CYRIB: variants seen among roughly 807,000 people sequenced by gnomAD.
CYRIB encodes CYFIP related Rac1 interactor B, also known as CYFIP-related Rac1 interactor B.
Under a neutral mutation model 44.2 loss-of-function variants are expected in CYRIB, and 8 were observed. The observed-to-expected ratio is 0.18, with a 90% CI of 0.11 to 0.33. The LOEUF is 0.33. Ranked by LOEUF, CYRIB falls within the 10% of genes least tolerant of loss-of-function variation. The pLI, the probability that CYRIB is intolerant of heterozygous loss-of-function variation, is 1.00. For missense variants in CYRIB, 185 were observed against 382.8 expected (o/e 0.48, Z 4.31); for synonymous variants, 131 against 127.2 (o/e 1.03, Z -0.20).
At chr8:129,981,188 G>A (rs2096226462) in intron 1 of CYRIB, among the ~76,000 whole-genome samples, 2 of 151,992 alleles carry the variant, frequency 1.3e-5, no homozygotes, top group South Asian at 4.1e-4. Context: ...CGCTCAGGCT[G>A]GAGTGCAGTG....
intron 9 of CYRIB, chr8:129,850,143 A>G (rs2042485719): frequency 6.6e-6 from 1 of 152,236 alleles, no homozygotes; most frequent in African/African-American, 2.4e-5. Flanking sequence ...CTCCTATTTC[A>G]TAAGGTTTTC....
intron 2 of CYRIB, among the ~76,000 whole-genome samples, chr8:129,954,144 C>CTCTGGTAACATTA (rs1204743244): frequency 1.3e-5 from 2 of 152,160 alleles, no homozygotes; most frequent in African/African-American, 4.8e-5. Flanking sequence ...TGTTACCTTG[C>CTCTGGTAACATTA]CCAAGCTCTG....
intron 1 of CYRIB, among the ~76,000 whole-genome samples, chr8:129,972,749 C>T (rs557241549): frequency 1.8e-4 from 27 of 152,038 alleles, no homozygotes; most frequent in African/African-American, 5.5e-4. Context: ...ACATACCCCA[C>T]GCACATGCAC....
intron 11 of CYRIB, among the ~76,000 whole-genome samples, chr8:129,843,406 G>T (rs2037717473): frequency 6.6e-6 from 1 of 152,128 alleles, no homozygotes; most frequent in Non-Finnish European, 1.5e-5. Context: ...AAATAAGGGG[G>T]CTGTTACTGA....
upstream of CYRIB, among the ~76,000 whole-genome samples, chr8:129,940,257 G>T (rs1387654951): frequency 6.6e-6 from 1 of 152,142 alleles, no homozygotes; most frequent in Non-Finnish European, 1.5e-5. Flanking sequence ...TTCCCCCCAC[G>T]CCTGGAACCG....
intron 11 of CYRIB, among the ~76,000 whole-genome samples, 163 bp downstream of exon 13, chr8:129,846,641 G>A (rs900079787): frequency 1.3e-5 from 2 of 152,220 alleles, no homozygotes; most frequent in Non-Finnish European, 2.9e-5. Flanking sequence ...CGTAACCAGT[G>A]TTTGGAAGCA....
intron 2 of CYRIB, among the ~76,000 whole-genome samples, chr8:129,957,781 T>C (rs28703802): frequency 0.079 from 12,020 of 151,780 alleles, 546 homozygotes; most frequent in South Asian, 0.21. Context: ...CTGGCTAACA[T>C]GGTGAAACCC....
intron 1 of CYRIB, among the ~76,000 whole-genome samples, chr8:129,916,136 T>C (rs2080648241): frequency 6.6e-6 from 1 of 152,202 alleles, no homozygotes; most frequent in Non-Finnish European, 1.5e-5. Flanking sequence ...AAATCTTCTA[T>C]TCTACTTTCT....
chr8:129,918,958 TA>T (rs1440047480), intron 1 of CYRIB, among the ~76,000 whole-genome samples: 1 of 152,234 alleles, frequency 6.6e-6, no homozygotes, highest in African/African-American at 2.4e-5. Context: ...TATTAAAAAT[TA>T]AATAAAGAGA....
intron 1 of CYRIB, among the ~76,000 whole-genome samples, chr8:129,983,233 C>T (rs187230422): frequency 7.1e-4 from 108 of 152,234 alleles, no homozygotes; most frequent in African/African-American, 2.6e-3. Context: ...ATCACGAGGT[C>T]AGGAGATCGA....
At chr8:129,859,659 T>A (rs982779752) in intron 5 of CYRIB, among the ~76,000 whole-genome samples, 8 of 152,322 alleles carry the variant, frequency 5.3e-5, no homozygotes, top group African/African-American at 1.9e-4. Flanking sequence ...TGTCTTCTGG[T>A]CACTCCTCAC....
intron 1 of CYRIB, among the ~76,000 whole-genome samples, chr8:129,996,873 C>T (rs896178479): frequency 2.6e-5 from 4 of 152,016 alleles, no homozygotes; most frequent in Non-Finnish European, 2.9e-5. Flanking sequence ...GGATTCCTAA[C>T]GATGGAATGG....
intron 1 of CYRIB, among the ~76,000 whole-genome samples, chr8:129,979,403 G>A (rs909735837): frequency 5.9e-5 from 9 of 152,092 alleles, no homozygotes; most frequent in Non-Finnish European, 1.0e-4. Flanking sequence ...AAGGAATAAA[G>A]CCTATTAGAG....
At chr8:129,944,749 C>T (rs1314181357), upstream of CYRIB, among the ~76,000 whole-genome samples, 2 of 151,788 alleles carry the variant, frequency 1.3e-5, no homozygotes, top group Non-Finnish European at 1.5e-5. Flanking sequence ...CACCATTGCA[C>T]TCCAGCCTGG....
At chr8:129,971,564 A>G (rs781195231) in intron 1 of CYRIB, among the ~76,000 whole-genome samples, 1 of 152,214 alleles carries the variant, frequency 6.6e-6, no homozygotes, top group Non-Finnish European at 1.5e-5. Flanking sequence ...CCAAACTCCT[A>G]TGACTGAAGG....
intron 1 of CYRIB, among the ~76,000 whole-genome samples, chr8:129,926,029 A>G (rs2087513364): frequency 6.6e-6 from 1 of 152,214 alleles, no homozygotes; most frequent in Admixed American, 6.5e-5. Flanking sequence ...GTCACGATCC[A>G]TTTTCTGGCT....
At chr8:129,929,278 G>T (rs1382149038) in intron 1 of CYRIB, among the ~76,000 whole-genome samples, 1 of 152,012 alleles carries the variant, frequency 6.6e-6, no homozygotes, top group Non-Finnish European at 1.5e-5. Flanking sequence ...GAGACACGGG[G>T]AGAAGAGAGA....
At chr8:129,966,528 T>G (rs961205384) in intron 2 of CYRIB, among the ~76,000 whole-genome samples, 1 of 152,164 alleles carries the variant, frequency 6.6e-6, no homozygotes, top group Non-Finnish European at 1.5e-5. Flanking sequence ...ACATGACTAC[T>G]TCTTAAAAAT....
chr8:129,882,682 G>A, intron 2 of CYRIB, among the ~76,000 whole-genome samples: 1 of 152,018 alleles, frequency 6.6e-6, no homozygotes, highest in Non-Finnish European at 1.5e-5. Context: ...GAAAATTTTG[G>A]AACTAGCCAT....
Sources: allele counts gnomAD v4.1 joint callset (sites outside exome capture counted in the v4.1 genomes callset), GRCh38; gene constraint gnomAD v4.1.1; transcripts MANE v1.5; gene names NCBI Gene and HGNC (gene_info 2026-07-23, HGNC 2026-07-21).